The following HDAC9 variants were observed in gnomAD, a reference collection of about 807,000 sequenced individuals.
HDAC9 encodes histone deacetylase 9.
Under a neutral mutation model 139.4 loss-of-function variants are expected in HDAC9, and 41 were observed. That is an observed-to-expected ratio of 0.29 (90% CI 0.23 to 0.38). The LOEUF (loss-of-function observed/expected upper bound fraction) is 0.38. Among genes scored for constraint, HDAC9 ranks in the 10% least tolerant of loss-of-function variants. The pLI is 1.00. For missense variants in HDAC9, 1,147 were observed against 1,297.0 expected, an observed-to-expected ratio of 0.88 and a Z score of 1.78; for synonymous variants, 517 against 476.2, an observed-to-expected ratio of 1.09 and a Z score of -1.12.
chr7:18,332,312 A>G lies in HDAC9; in HGVS notation c.-42+41797A>G, dbSNP rs192570482. Among the ~76,000 whole-genome samples, 529 of 151,024 alleles carry G rather than the reference A, an allele frequency of 3.5e-3. 4 individuals carry two copies. The highest frequency in any genetic ancestry group is 0.012 in the African/African-American group (513 of 41,264). On this transcript the variant is annotated intron_variant, in intron 1 of 3. Coordinates refer to the HDAC9 transcript ENST00000413509. ...CCTTCCTCATTCCACCTCAAAGACC[A>G]TTTTTTAGTTTTTCCAAGTGTCTGT...
intron 1 of HDAC9, among the ~76,000 whole-genome samples, chr7:18,131,086 A>G (rs191692121): frequency 3.3e-4 from 50 of 152,264 alleles, no homozygotes; most frequent in African/African-American, 1.1e-3. Flanking sequence ...AAGAATTAGG[A>G]ATCCAAATGA....
At chr7:18,269,569 A>T (rs1274044294) in intron 2 of HDAC9, among the ~76,000 whole-genome samples, 2 of 152,042 alleles carry the variant, frequency 1.3e-5, no homozygotes, top group Non-Finnish European at 2.9e-5. Flanking sequence ...AAATATGAGC[A>T]TGGGAAGCTG....
chr7:18,678,260 G>C (rs1348771083), intron 12 of HDAC9, among the ~76,000 whole-genome samples: 1 of 151,568 alleles, frequency 6.6e-6, no homozygotes, highest in Middle Eastern at 3.2e-3. Context: ...AGATTTTTTG[G>C]TTAATACTAG....
chr7:18,992,843 A>ATGTCT (rs1205710302), intron 25 of HDAC9, among the ~76,000 whole-genome samples: 1 of 152,184 alleles, frequency 6.6e-6, no homozygotes, highest in East Asian at 1.9e-4. Context: ...AGGGAAGCTT[A>ATGTCT]TGTCTTTCAA....
chr7:18,135,496 C>T (rs1785333399), intron 1 of HDAC9, among the ~76,000 whole-genome samples: 1 of 130,514 alleles, frequency 7.7e-6, no homozygotes, highest in African/African-American at 2.9e-5. Context: ...TATTCCCCTT[C>T]CTGTGTCCAT....
intron 19 of HDAC9, among the ~76,000 whole-genome samples, chr7:18,833,077 C>T (rs1795977080): frequency 6.6e-6 from 1 of 152,062 alleles, no homozygotes; most frequent in Non-Finnish European, 1.5e-5. Flanking sequence ...GTGAGTTGTT[C>T]CCCCAAACAA....
chr7:18,266,832 A>T (rs1478337793), intron 2 of HDAC9, among the ~76,000 whole-genome samples: 1 of 152,102 alleles, frequency 6.6e-6, no homozygotes, highest in Non-Finnish European at 1.5e-5. Context: ...TATGAAAGTC[A>T]TTTTGATGCC....
At chr7:18,941,079 T>G (rs186048965) in intron 23 of HDAC9, among the ~76,000 whole-genome samples, 1 of 152,202 alleles carries the variant, frequency 6.6e-6, no homozygotes, top group Admixed American at 6.5e-5. Flanking sequence ...AGTTCAGCAT[T>G]TACACTTGGA....
intron 17 of HDAC9, among the ~76,000 whole-genome samples, chr7:18,812,490 T>TA (rs1168464963): frequency 2.6e-5 from 4 of 152,054 alleles, no homozygotes; most frequent in Admixed American, 2.0e-4. Context: ...ACTCTAAAGA[T>TA]ATATTTTCAA....
intron 2 of HDAC9, among the ~76,000 whole-genome samples, chr7:18,190,738 T>C (rs1027429300): frequency 6.6e-6 from 1 of 152,212 alleles, no homozygotes; most frequent in African/African-American, 2.4e-5. Flanking sequence ...TTCACTCTTA[T>C]TAAGTAAAAT....
At chr7:18,119,026 G>A (rs1264560438) in intron 1 of HDAC9, among the ~76,000 whole-genome samples, 1 of 152,178 alleles carries the variant, frequency 6.6e-6, no homozygotes. Flanking sequence ...CTCTTCTAGA[G>A]TTAGACTAAT....
intron 1 of HDAC9, among the ~76,000 whole-genome samples, chr7:18,442,063 C>T (rs1388715394): frequency 6.6e-6 from 1 of 152,108 alleles, no homozygotes; most frequent in East Asian, 1.9e-4. Flanking sequence ...AGCCCCTGTG[C>T]CCGGCTGGGA....
intron 1 of HDAC9, among the ~76,000 whole-genome samples, chr7:18,433,812 G>GA (rs1347531428): frequency 2.6e-5 from 4 of 152,112 alleles, no homozygotes; most frequent in African/African-American, 4.8e-5. Context: ...TCATTGACAG[G>GA]AAAAATCAGT....
intron 2 of HDAC9, among the ~76,000 whole-genome samples, chr7:18,501,351 G>T (rs1368465761): frequency 1.3e-5 from 2 of 151,934 alleles, no homozygotes; most frequent in African/African-American, 4.8e-5. Flanking sequence ...TTCCCTTTCT[G>T]AGCAGGGACA....
intron 2 of HDAC9, among the ~76,000 whole-genome samples, chr7:18,168,502 A>T (rs972210064): frequency 6.6e-6 from 1 of 152,086 alleles, no homozygotes; most frequent in East Asian, 1.9e-4. Flanking sequence ...TGGAACCTTT[A>T]TGGAGGATTT....
chr7:18,537,183 A>G (rs922687470), intron 2 of HDAC9, among the ~76,000 whole-genome samples: 3 of 152,184 alleles, frequency 2.0e-5, no homozygotes, highest in African/African-American at 4.8e-5. Context: ...TCTTCTAACA[A>G]AAACTACCAG....
chr7:18,798,507 A>G (rs1007298034), intron 17 of HDAC9, among the ~76,000 whole-genome samples: 13 of 152,160 alleles, frequency 8.5e-5, no homozygotes, highest in Non-Finnish European at 1.8e-4. Flanking sequence ...CTGCATTCTT[A>G]GCATAAACTA....
intron 1 of HDAC9, among the ~76,000 whole-genome samples, chr7:18,097,916 C>G (rs1229245600): frequency 6.6e-6 from 1 of 152,128 alleles, no homozygotes; most frequent in Non-Finnish European, 1.5e-5. Flanking sequence ...GGTGTTTATG[C>G]TTTGCCAGCC....
chr7:18,107,649 A>C (rs1233123199), intron 1 of HDAC9, among the ~76,000 whole-genome samples: 2 of 152,166 alleles, frequency 1.3e-5, no homozygotes, highest in Non-Finnish European at 2.9e-5. Flanking sequence ...GTTAGATTTA[A>C]GGCCTAAAGT....
Sources: gnomAD v4.1 joint callset for allele counts (sites outside exome capture counted in the v4.1 genomes callset) on GRCh38, gnomAD v4.1.1 for gene constraint, MANE v1.5 for transcripts, NCBI Gene and HGNC (gene_info 2026-07-23, HGNC 2026-07-21) for gene names.